The following STAB2 variants were observed in gnomAD, a reference collection of about 807,000 sequenced individuals.
STAB2 encodes the protein stabilin-2.
STAB2 carries 288 observed loss-of-function variants against 338.1 expected under a neutral mutation model. The ratio of observed to expected loss-of-function variants is 0.85; its 90% CI spans 0.77 to 0.94. The LOEUF is 0.94. Among genes scored for constraint, STAB2 ranks in the 40% least tolerant of loss-of-function variants. STAB2 has a pLI of 0.00. For missense variants in STAB2, 3,141 were observed against 3,210.1 expected (o/e 0.98, Z 0.52); for synonymous variants, 1,202 against 1,193.3 (o/e 1.01, Z -0.15).
At chr12:103,627,118 G>C (rs1331316324) in intron 5 of STAB2, among the ~76,000 whole-genome samples, 1 of 152,224 alleles carries the variant, frequency 6.6e-6, no homozygotes, top group Non-Finnish European at 1.5e-5. Context: ...GAAGCAGAGA[G>C]GGTTGCTCAA....
intron 46 of STAB2, 143 bp from the exon 47 acceptor site, chr12:103,727,124 T>A (rs1247703160): frequency 1.3e-6 from 1 of 766,700 alleles, no homozygotes; most frequent in Non-Finnish European, 2.2e-6. Context: ...AATCTGGGTT[T>A]CATTTGAATC....
intron 3 of STAB2, among the ~76,000 whole-genome samples, chr12:103,612,672 T>C (rs901233680): frequency 6.6e-6 from 1 of 152,224 alleles, no homozygotes; most frequent in Non-Finnish European, 1.5e-5. Context: ...ATCTGAAGTC[T>C]TCTTCTCTCA....
chr12:103,754,309 C>T (rs551682198), intron 61 of STAB2, among the ~76,000 whole-genome samples: 2 of 152,080 alleles, frequency 1.3e-5, no homozygotes, highest in Non-Finnish European at 2.9e-5. Flanking sequence ...ATATGGCACA[C>T]AGTAGGAACT....
At chr12:103,588,394 C>A (rs145302612) in intron 1 of STAB2, among the ~76,000 whole-genome samples, 271 of 152,272 alleles carry the variant, frequency 1.8e-3, no homozygotes, top group African/African-American at 6.1e-3. Context: ...TCATGATCGT[C>A]CACAGCTGTT....
chr12:103,715,205 A>G (rs1052000889), intron 42 of STAB2, among the ~76,000 whole-genome samples: 1 of 152,166 alleles, frequency 6.6e-6, no homozygotes, highest in Non-Finnish European at 1.5e-5. Flanking sequence ...CACAAGTGAT[A>G]TTGCATCTGT....
At chr12:103,742,319 G>A (rs1045346385) in intron 55 of STAB2, 86 bp from the exon 56 acceptor site, 2 of 1,542,872 alleles carry the variant, frequency 1.3e-6, no homozygotes, top group Non-Finnish European at 1.8e-6. Context: ...GCTAACAGAA[G>A]TCAGATGCCA....
intron 21 of STAB2, 65 bp downstream of exon 21, chr12:103,669,692 A>G (rs1875551882): frequency 7.0e-7 from 1 of 1,421,208 alleles, no homozygotes; most frequent in Admixed American, 1.7e-5. Flanking sequence ...CTTCTAAACC[A>G]AAATGTGATA....
At chr12:103,715,778 G>C in intron 42 of STAB2, 37 bp from the exon 43 acceptor site, 1 of 1,613,004 alleles carries the variant, frequency 6.2e-7, no homozygotes, top group South Asian at 1.1e-5. Flanking sequence ...AAACCAGACT[G>C]GATTTCCAGG....
rs939648848 is a variant in STAB2 at position 103,609,089 on chromosome 12, G to C, written c.332-11379G>C. The stretch of plus-strand genomic sequence containing the variant: ...GTACCATGCTGTTTTGGTTACTGTA[G>C]CCTTGTAGTATAGTTTGAAGTCAGG... On this transcript the variant is annotated intron_variant, in intron 3 of 68. Transcript: ENST00000388887. Among the ~76,000 whole-genome samples, 5 of 152,162 alleles carry C rather than the reference G, an allele frequency of 3.3e-5. No homozygotes were observed. In the East Asian group the frequency reaches 9.6e-4, roughly 29 times the overall value.
intron 9 of STAB2, among the ~76,000 whole-genome samples, chr12:103,646,733 A>G (rs760627635): frequency 5.3e-4 from 80 of 152,250 alleles, no homozygotes; most frequent in Non-Finnish European, 9.4e-4. Context: ...TCAGTAAATA[A>G]TCAGTTAAAC....
intron 44 of STAB2, among the ~76,000 whole-genome samples, chr12:103,722,916 G>A (rs549495463): frequency 1.3e-5 from 2 of 152,306 alleles, no homozygotes; most frequent in African/African-American, 2.4e-5. Context: ...AGAAGCAGAC[G>A]TAGTGTCGGT....
chr12:103,598,668 A>G (rs1956911937), intron 3 of STAB2, among the ~76,000 whole-genome samples: 1 of 152,240 alleles, frequency 6.6e-6, no homozygotes, highest in African/African-American at 2.4e-5. Flanking sequence ...TAAAAACCAA[A>G]TGAGCTGTTT....
intron 28 of STAB2, among the ~76,000 whole-genome samples, chr12:103,689,380 G>A (rs1172861470): frequency 6.6e-6 from 1 of 151,958 alleles, no homozygotes; most frequent in African/African-American, 2.4e-5. Flanking sequence ...CTACTCAGGA[G>A]GCAGAGACAG....
At position 103,715,843 on chromosome 12, in the gene STAB2, T is replaced by G; in HGVS notation, c.4566T>G (p.Gly1522=). 1 of 1,614,128 alleles carries G rather than the reference T, an allele frequency of 6.2e-7. No homozygotes were observed. Residue 1522 remains glycine, a synonymous_variant, in exon 43 of 69, where the codon GGT becomes GGG. Coordinates refer to ENST00000388887, the MANE Select transcript of STAB2 (RefSeq NM_017564.10). ...TCAACCCGTGTTTGGAGAACCATGG[T>G]GGCTGTGACAAGAATGCGGAGTGCA... ...LEINPCLENH[G]GCDKNAECTQ...
intron 68 of STAB2, chr12:103,763,829 C>T (rs1884718086): frequency 2.2e-6 from 1 of 458,972 alleles, no homozygotes. Context: ...CTTGAACAAA[C>T]AGAGACAGGC....
In STAB2 at chr12:103,662,946, T is replaced by C. The variant is rs979213833; in HGVS notation, c.1970T>C (p.Ile657Thr). Residue 657 changes from isoleucine to threonine, a missense_variant, in exon 18 of 69, where the codon ATT becomes ACT. Coordinates refer to ENST00000388887, the MANE Select transcript of STAB2 (RefSeq NM_017564.10). Reference sequence around the variant, plus strand: ...ACAGGAGTTCTCATTCCTCCCTCCATTGTCCCGATTCTGCCCCATCGATGT... The same window carrying C: ...ACAGGAGTTCTCATTCCTCCCTCCACTGTCCCGATTCTGCCCCATCGATGT... ...TLTGVLIPPS[I>T]VPILPHRCDE... 3 of 1,614,128 alleles carry C rather than the reference T, an allele frequency of 1.9e-6. No individual in the cohort carries two copies. Among genetic ancestry groups the C allele is most frequent in the Non-Finnish European group, 2.5e-6 (3 of 1,180,006 alleles).
intron 30 of STAB2, among the ~76,000 whole-genome samples, chr12:103,690,748 A>C (rs1366042848): frequency 1.3e-5 from 2 of 152,204 alleles, no homozygotes; most frequent in African/African-American, 4.8e-5. Context: ...TGATCCTCTA[A>C]AATGTGGCCT....
intron 15 of STAB2, among the ~76,000 whole-genome samples, chr12:103,660,026 C>G (rs1874474721): frequency 6.6e-6 from 1 of 152,240 alleles, no homozygotes; most frequent in East Asian, 1.9e-4. Flanking sequence ...GTTTTTTGAC[C>G]TTGGACATGT....
intron 20 of STAB2, 101 bp from the exon 21 acceptor site, chr12:103,669,440 G>A (rs557633672): frequency 4.4e-5 from 46 of 1,038,384 alleles, no homozygotes; most frequent in Admixed American, 3.8e-4. Flanking sequence ...AAGGAGAGGC[G>A]AATATGGCTT....
Sources: allele counts gnomAD v4.1 joint callset (sites outside exome capture counted in the v4.1 genomes callset), GRCh38; gene constraint gnomAD v4.1.1; transcripts MANE v1.5; gene names NCBI Gene and HGNC (gene_info 2026-07-23, HGNC 2026-07-21).